ANXA6: variants seen among roughly 807,000 people sequenced by gnomAD.
The protein encoded by ANXA6 is annexin A6.
Under a neutral mutation model 95.4 loss-of-function variants are expected in ANXA6, and 71 were observed. The observed-to-expected ratio is 0.74, with a 90% confidence interval of 0.61 to 0.91. ANXA6 has a LOEUF of 0.91. Ranked by LOEUF, ANXA6 falls within the 40% of genes least tolerant of loss-of-function variation. ANXA6 has a pLI of 0.00. For missense variants in ANXA6, 830 were observed against 876.4 expected (o/e 0.95, Z 0.67); for synonymous variants, 289 against 315.9 (o/e 0.91, Z 0.90).
At chr5:151,102,425 C>T (rs1334982386) in intron 25 of ANXA6, among the ~76,000 whole-genome samples, 1 of 152,112 alleles carries the variant, frequency 6.6e-6, no homozygotes, top group Non-Finnish European at 1.5e-5. Flanking sequence ...CAGACGCAGC[C>T]AGGTGTGGTG....
chr5:151,101,622 T>C, intron 25 of ANXA6, 115 bp from the exon 26 acceptor site: 2 of 861,094 alleles, frequency 2.3e-6, no homozygotes, highest in South Asian at 1.4e-5. Flanking sequence ...ATGACCAACA[T>C]AGGATCCCAT....
At chr5:151,114,230 G>C (rs1359651394) in intron 20 of ANXA6, among the ~76,000 whole-genome samples, 1 of 152,150 alleles carries the variant, frequency 6.6e-6, no homozygotes, top group Non-Finnish European at 1.5e-5. Context: ...CATTAAGTCT[G>C]TGAAGATACT....
intron 24 of ANXA6, 131 bp downstream of exon 24, chr5:151,105,114 T>G: frequency 1.1e-6 from 1 of 871,446 alleles, no homozygotes; most frequent in Non-Finnish European, 1.9e-6. Context: ...CAAGGGCAGA[T>G]GCTAATAAAT....
At chr5:151,140,458 A>AG (rs993577456) in intron 2 of ANXA6, 3 of 554,072 alleles carry the variant, frequency 5.4e-6, no homozygotes, top group East Asian at 3.1e-5. Context: ...TCCCCAAGGG[A>AG]GGGGGGCTTG....
chr5:151,144,328 T>C (rs1380727710), intron 2 of ANXA6, among the ~76,000 whole-genome samples: 2 of 152,182 alleles, frequency 1.3e-5, no homozygotes, highest in African/African-American at 4.8e-5. Flanking sequence ...AGATTTCATA[T>C]GGTTCATGTG....
rs939996870 is a variant in ANXA6, at chr5:151,129,552, G to A, written c.796-23C>T. 5 of 1,585,570 alleles carry A rather than the reference G, an allele frequency of 3.2e-6. No homozygotes were observed. The African/African-American group carries it at 5.4e-5, about 17-fold the overall frequency. Reference sequence around the variant, plus strand: ...GCCCTGCAAGACAAGTGGGTTTGGGGAACATGGACTTGAGAGGAGGCTAGA... The same window carrying A: ...GCCCTGCAAGACAAGTGGGTTTGGGAAACATGGACTTGAGAGGAGGCTAGA... On this transcript the variant is annotated intron_variant, in intron 11 of 25. Coordinates refer to ENST00000354546, the MANE Select transcript of ANXA6 (RefSeq NM_001155.5).
chr5:151,138,130 A>C (rs569665109), intron 5 of ANXA6, among the ~76,000 whole-genome samples: 11 of 152,260 alleles, frequency 7.2e-5, no homozygotes, highest in African/African-American at 2.6e-4. Flanking sequence ...ATAGACTGTA[A>C]AGTGCTAGAT....
chr5:151,154,750 C>T (rs1017421055), intron 1 of ANXA6: 1 of 152,222 alleles, frequency 6.6e-6, no homozygotes, highest in Non-Finnish European at 1.5e-5. Flanking sequence ...GATCCTAGGA[C>T]TGGACAAGGC....
chr5:151,119,497 T>C, intron 17 of ANXA6, 107 bp from the exon 18 acceptor site: 1 of 927,338 alleles, frequency 1.1e-6, no homozygotes, highest in Non-Finnish European at 1.7e-6. Context: ...CTGGATTTTC[T>C]CCTCACCTCC....
intron 7 of ANXA6, 33 bp downstream of exon 7, chr5:151,136,223 G>C: frequency 6.2e-7 from 1 of 1,608,086 alleles, no homozygotes; most frequent in Admixed American, 1.7e-5. Context: ...GCTATCCCAA[G>C]CTCCAGAGGA....
chr5:151,153,647 A>G (rs1766162745), intron 1 of ANXA6, among the ~76,000 whole-genome samples: 1 of 152,232 alleles, frequency 6.6e-6, no homozygotes, highest in African/African-American at 2.4e-5. Flanking sequence ...TCTTTGAGTG[A>G]TTTTACAGGT....
chr5:151,152,564 C>G (rs114494740), intron 1 of ANXA6, among the ~76,000 whole-genome samples: 2,233 of 152,276 alleles, frequency 0.015, 38 homozygotes, highest in African/African-American at 0.05. Flanking sequence ...AAATGTTTAA[C>G]AAACGGTGAC....
rs748400306 is a variant in ANXA6 at position 151,129,456 on chromosome 5, C to T, written c.869G>A (p.Arg290Gln). ...SRSELDMLDIREIFRTKYEKS... is the reference protein window; with the variant it reads ...SRSELDMLDIQEIFRTKYEKS... ...CTCATACTTGGTCCGGAAGATCTCC[C>T]GAATGTCGAGCATGTCCAACTCACT... Residue 290 changes from arginine to glutamine, a missense_variant, in exon 12 of 26, where the codon CGG becomes CAG. Physicochemically the swap from Arg to Gln is conservative, Grantham distance 43. Transcript: ENST00000354546. 5 of 1,613,180 alleles carry T rather than the reference C, an allele frequency of 3.1e-6. No individual in the cohort carries two copies. Among genetic ancestry groups the T allele is most frequent in the African/African-American group, 2.7e-5 (2 of 74,876 alleles).
In ANXA6 at chr5:151,138,592, G is replaced by A. The variant is rs116105430; in HGVS notation, c.318+86C>T. 5,015 of 900,956 alleles carry A rather than the reference G, an allele frequency of 5.6e-3. 152 individuals carry two copies. In the African/African-American group the frequency reaches 0.071, roughly 13 times the overall value. The allele number at this position is 900,956 out of a possible 1,614,324, so 55.8% of individuals were successfully genotyped here. ...GGACACATGTGCTGGGTGGGTATGG[G>A]GCTCACCAGTTGCTTTTGGAAGAGC... is the stretch of plus-strand genomic sequence containing the variant. On this transcript the variant is annotated intron_variant, in intron 5 of 25. Transcript: ENST00000354546.
At chr5:151,141,791 A>G (rs1314876754) in intron 2 of ANXA6, 1 of 858,266 alleles carries the variant, frequency 1.2e-6, no homozygotes, top group Non-Finnish European at 1.4e-6. Context: ...CCCTGGGCAG[A>G]GACTTAAAGA....
At chr5:151,137,103 T>A (rs1016510472) in intron 6 of ANXA6, 128 bp downstream of exon 6, 16 of 832,448 alleles carry the variant, frequency 1.9e-5, no homozygotes, top group Non-Finnish European at 3.0e-5. Context: ...GGTAGATAAA[T>A]GGGTGGACAA....
chr5:151,124,755 G>A (rs1765270909), intron 14 of ANXA6, among the ~76,000 whole-genome samples: 1 of 152,130 alleles, frequency 6.6e-6, no homozygotes, highest in Non-Finnish European at 1.5e-5. Context: ...GGCCCCCTCT[G>A]CCTCTTAAAG....
chr5:151,144,278 A>G (rs1402119180), intron 2 of ANXA6, among the ~76,000 whole-genome samples: 1 of 152,196 alleles, frequency 6.6e-6, no homozygotes, highest in African/African-American at 2.4e-5. Context: ...GAGCCATGTA[A>G]CTTGCCTTGT....
intron 2 of ANXA6, chr5:151,140,665 A>C (rs1765810362): frequency 6.6e-6 from 1 of 151,860 alleles, no homozygotes; most frequent in Non-Finnish European, 1.5e-5. Flanking sequence ...GGCCTCAAGC[A>C]GTCCTCCCAC....
Sources: gnomAD v4.1 joint callset for allele counts (sites outside exome capture counted in the v4.1 genomes callset) on GRCh38, gnomAD v4.1.1 for gene constraint, MANE v1.5 for transcripts, NCBI Gene and HGNC (gene_info 2026-07-23, HGNC 2026-07-21) for gene names.